Variants in ZFPM2 observed in about 807,000 individuals in gnomAD.
ZFPM2 encodes zinc finger protein ZFPM2.
A neutral mutation model predicts 98.6 loss-of-function variants in ZFPM2; 20 were observed. That is an observed-to-expected ratio of 0.20 (90% CI 0.14 to 0.29). The LOEUF (loss-of-function observed/expected upper bound fraction) is 0.29. Ranked by LOEUF, ZFPM2 falls within the 10% of genes least tolerant of loss-of-function variation. The probability of loss-of-function intolerance (pLI) is 1.00; values close to 1 mark genes in which losing one functional copy is unlikely to be tolerated. For synonymous variants in ZFPM2, 518 were observed against 502.7 expected (o/e 1.03, Z -0.41); for missense variants, 1,310 against 1,388.6 (o/e 0.94, Z 0.90).
At chr8:105,460,586 C>T (rs1169266737) in intron 3 of ZFPM2, among the ~76,000 whole-genome samples, 1 of 152,052 alleles carries the variant, frequency 6.6e-6, no homozygotes, top group Non-Finnish European at 1.5e-5. Context: ...TTGCATTAGA[C>T]ACTCAGGCAA....
chr8:105,708,290 T>TATATTTTTACTATACAAATTATACAA (rs2130970252), intron 5 of ZFPM2, among the ~76,000 whole-genome samples: 1 of 152,324 alleles, frequency 6.6e-6, no homozygotes, highest in East Asian at 1.9e-4. Flanking sequence ...ACTGGTCTAG[T>TATATTTTTACTATACAAATTATACAA]AATTTTAGGA....
chr8:105,332,642 G>A (rs1289177069), intron 1 of ZFPM2, among the ~76,000 whole-genome samples: 2 of 151,672 alleles, frequency 1.3e-5, no homozygotes. Flanking sequence ...GCATTACATA[G>A]TAAGTACACT....
At chr8:105,587,975 T>C (rs1352799353) in intron 4 of ZFPM2, among the ~76,000 whole-genome samples, 2 of 152,138 alleles carry the variant, frequency 1.3e-5, no homozygotes, top group Non-Finnish European at 2.9e-5. Context: ...ACCAGTAGTA[T>C]GGATTATGAA....
At chr8:105,613,730 T>C (rs1361294040) in intron 4 of ZFPM2, among the ~76,000 whole-genome samples, 1 of 152,142 alleles carries the variant, frequency 6.6e-6, no homozygotes, top group African/African-American at 2.4e-5. Flanking sequence ...GACTCTGTTA[T>C]GAAGAATGAG....
chr8:105,721,566 G>A (rs2130996245), intron 5 of ZFPM2, among the ~76,000 whole-genome samples: 1 of 151,998 alleles, frequency 6.6e-6, no homozygotes, highest in East Asian at 1.9e-4. Flanking sequence ...ATAGGAAAAA[G>A]TATAAAATAC....
At chr8:105,666,163 G>A (rs1817484689) in intron 5 of ZFPM2, among the ~76,000 whole-genome samples, 1 of 152,146 alleles carries the variant, frequency 6.6e-6, no homozygotes, top group South Asian at 2.1e-4. Flanking sequence ...ATGGGGGCAG[G>A]TGACTTTGTG....
intron 1 of ZFPM2, among the ~76,000 whole-genome samples, chr8:105,376,829 C>T (rs886877858): frequency 1.3e-5 from 2 of 152,182 alleles, no homozygotes; most frequent in South Asian, 2.1e-4. Flanking sequence ...CACTCTTACT[C>T]CTTAGAATCC....
intron 5 of ZFPM2, among the ~76,000 whole-genome samples, chr8:105,785,934 C>T (rs1260169282): frequency 2.7e-5 from 4 of 147,294 alleles, no homozygotes; most frequent in South Asian, 2.2e-4. Context: ...CCCAGCTACT[C>T]GGGAGGCTGA....
At chr8:105,518,235 C>T (rs1201675279) in intron 3 of ZFPM2, among the ~76,000 whole-genome samples, 3 of 151,546 alleles carry the variant, frequency 2.0e-5, no homozygotes, top group Non-Finnish European at 2.9e-5. Context: ...GTGTTTACAA[C>T]CCATGCCTAC....
At chr8:105,599,838 G>A (rs1012712735) in intron 4 of ZFPM2, among the ~76,000 whole-genome samples, 14 of 151,962 alleles carry the variant, frequency 9.2e-5, no homozygotes, top group Non-Finnish European at 1.8e-4. Flanking sequence ...GCTTTCACTT[G>A]CACAGGGCAA....
At chr8:105,438,733 T>C (rs975052638) in intron 2 of ZFPM2, among the ~76,000 whole-genome samples, 7 of 152,122 alleles carry the variant, frequency 4.6e-5, no homozygotes, top group African/African-American at 1.7e-4. Flanking sequence ...TCAATATAGG[T>C]TGATTACTGT....
intron 1 of ZFPM2, among the ~76,000 whole-genome samples, chr8:105,351,141 C>T (rs541014594): frequency 3.3e-4 from 48 of 146,120 alleles, no homozygotes; most frequent in Admixed American, 9.1e-4. Context: ...CGAGATCACA[C>T]GATTGCACTC....
At chr8:105,623,443 ACAT>A (rs1226738644) in intron 4 of ZFPM2, among the ~76,000 whole-genome samples, 45 of 152,356 alleles carry the variant, frequency 3.0e-4, no homozygotes, top group African/African-American at 9.6e-4. Flanking sequence ...ATAAGAATAC[ACAT>A]CATGAAAACA....
rs1169680523 is a variant in ZFPM2, at chr8:105,653,093, C to A, written c.532+18736C>A. Among the ~76,000 whole-genome samples, 5 of 152,246 alleles carry A rather than the reference C, an allele frequency of 3.3e-5. No individual in the cohort carries two copies. In the East Asian group the frequency reaches 9.7e-4, roughly 29 times the overall value. The stretch of plus-strand genomic sequence containing the variant: ...CAATAGCTTAGTTTAGATAGTCTTG[C>A]ATTTTGACTAGAGATACAAATAAGA... On this transcript the variant is annotated intron_variant, in intron 5 of 7. Transcript: ENST00000407775.
At chr8:105,622,335 G>A (rs1435271142) in intron 4 of ZFPM2, among the ~76,000 whole-genome samples, 2 of 152,068 alleles carry the variant, frequency 1.3e-5, no homozygotes, top group African/African-American at 4.8e-5. Context: ...TATAAAGAAT[G>A]TGATAGGATA....
intron 5 of ZFPM2, among the ~76,000 whole-genome samples, chr8:105,661,162 T>C (rs1586180609): frequency 6.6e-6 from 1 of 152,230 alleles, no homozygotes; most frequent in Non-Finnish European, 1.5e-5. Context: ...TAAACCTGTG[T>C]GAATTGCTTA....
intron 4 of ZFPM2, among the ~76,000 whole-genome samples, chr8:105,576,436 G>A (rs1033304946): frequency 2.0e-5 from 3 of 152,156 alleles, no homozygotes; most frequent in African/African-American, 7.2e-5. Context: ...TTAGCTGCTT[G>A]GAGGTGATGT....
intron 4 of ZFPM2, among the ~76,000 whole-genome samples, chr8:105,597,566 G>T (rs544780782): frequency 6.6e-6 from 1 of 151,878 alleles, no homozygotes; most frequent in East Asian, 1.9e-4. Flanking sequence ...GAACAATTTT[G>T]TTTTCTCTTT....
Position 105,608,580 on chromosome 8 carries a change from GTTTTT to G in ZFPM2, c.421-25647_421-25643del, listed in dbSNP as rs397978197. Among the ~76,000 whole-genome samples the G allele has an allele frequency of 5.5e-5, 6 of 108,748 alleles. No homozygotes were observed. The South Asian group carries it at 1.4e-3, about 25-fold the overall frequency. The allele number at this position is 108,748 out of a possible 152,430, so 71.3% of individuals were successfully genotyped here. Reference sequence around the variant, plus strand: ...TTAGAAAGGCTAGAGAACACCAAGAGTTTTTTTTTTTTTTTTTTTTTTTAATCAGT... The same window carrying G: ...TTAGAAAGGCTAGAGAACACCAAGAGTTTTTTTTTTTTTTTTTTAATCAGT... On this transcript the variant is annotated intron_variant, in intron 4 of 7. Transcript: ENST00000407775.
Sources: allele counts gnomAD v4.1 joint callset (sites outside exome capture counted in the v4.1 genomes callset), GRCh38; gene constraint gnomAD v4.1.1; transcripts MANE v1.5; gene names NCBI Gene and HGNC (gene_info 2026-07-23, HGNC 2026-07-21).